The following ERC2 variants were observed in gnomAD, a reference collection of about 807,000 sequenced individuals.
ERC2 encodes ELKS/RAB6-interacting/CAST family member 2.
In ERC2, 42 loss-of-function variants were observed where a neutral mutation model predicts 114.8. The observed-to-expected ratio is 0.37, with a 90% CI of 0.29 to 0.47. The LOEUF (loss-of-function observed/expected upper bound fraction) is 0.47. ERC2 is among the 20% of genes least tolerant of loss of function. ERC2 has a pLI of 0.99. For missense variants in ERC2, 939 were observed against 1,150.7 expected (o/e 0.82, Z 2.66); for synonymous variants, 454 against 425.5 (o/e 1.07, Z -0.82).
chr3:55,663,031 A>G (rs1244235594), intron 17 of ERC2, among the ~76,000 whole-genome samples: 2 of 152,230 alleles, frequency 1.3e-5, no homozygotes, highest in Non-Finnish European at 2.9e-5. Context: ...TAAATTTGGG[A>G]AAAGTCTGGT....
chr3:56,430,904 A>G (rs1417621435), intron 2 of ERC2, among the ~76,000 whole-genome samples: 1 of 152,214 alleles, frequency 6.6e-6, no homozygotes, highest in Non-Finnish European at 1.5e-5. Context: ...ATCACAGCTC[A>G]GTGATCTTTT....
chr3:56,373,755 A>G (rs1399512136), intron 2 of ERC2, among the ~76,000 whole-genome samples: 1 of 152,306 alleles, frequency 6.6e-6, no homozygotes, highest in East Asian at 1.9e-4. Context: ...CTACTGTATG[A>G]ACTTTAATTA....
At chr3:56,171,482 T>C (rs1289701589) in intron 4 of ERC2, among the ~76,000 whole-genome samples, 2 of 152,192 alleles carry the variant, frequency 1.3e-5, no homozygotes, top group African/African-American at 2.4e-5. Flanking sequence ...AAAATTATAT[T>C]GCTCTTCATT....
chr3:55,654,408 C>G (rs1483639946), intron 17 of ERC2, among the ~76,000 whole-genome samples: 1 of 152,226 alleles, frequency 6.6e-6, no homozygotes, highest in Non-Finnish European at 1.5e-5. Flanking sequence ...TTTCTTGTTT[C>G]AGAGCTGAAG....
At chr3:55,878,303 T>C (rs2062960407) in intron 14 of ERC2, among the ~76,000 whole-genome samples, 1 of 152,178 alleles carries the variant, frequency 6.6e-6, no homozygotes. Flanking sequence ...ATACAGTGCA[T>C]GTTTTTGGCC....
chr3:55,992,135 A>G lies in ERC2; in HGVS notation c.2177T>C (p.Val726Ala). The G allele has an allele frequency of 1.2e-6, 2 of 1,613,934 alleles. No individual in the cohort carries two copies. Among genetic ancestry groups the G allele is most frequent in the Non-Finnish European group, 1.7e-6 (2 of 1,179,892 alleles). ...CTTGAGGATCTCCAGCAACCGGTCC[A>G]CTTCCGCTTGGGCCTTGCCACACTC... is the stretch of plus-strand genomic sequence containing the variant. ...RDECGKAQAE[V>A]DRLLEILKEV... The change falls in exon 11 of 18, where the codon GTG becomes GCG. Residue 726 changes from valine to alanine, a missense_variant. Around this residue, in one of 5 missense-constraint regions of ERC2, gnomAD observed 328 missense variants for 353.9 expected, o/e 0.93. Transcript: ENST00000288221.
intron 1 of ERC2, among the ~76,000 whole-genome samples, chr3:56,440,659 C>T (rs1169683543): frequency 2.6e-5 from 4 of 151,902 alleles, no homozygotes; most frequent in Non-Finnish European, 4.4e-5. Flanking sequence ...CAGTTCAAAA[C>T]TAGCCAGTAT....
intron 7 of ERC2, among the ~76,000 whole-genome samples, chr3:56,055,136 C>T (rs773260201): frequency 1.2e-4 from 18 of 152,280 alleles, no homozygotes; most frequent in Middle Eastern, 6.8e-3. Context: ...ACCTGGGCCC[C>T]GTTAATCAAC....
At chr3:55,739,145 T>A (rs953057263) in intron 14 of ERC2, among the ~76,000 whole-genome samples, 1 of 152,218 alleles carries the variant, frequency 6.6e-6, no homozygotes. Context: ...ACATTTTCTT[T>A]ATCCAGTCTA....
chr3:55,662,143 G>A (rs535097490), intron 17 of ERC2, among the ~76,000 whole-genome samples: 1 of 152,222 alleles, frequency 6.6e-6, no homozygotes, highest in African/African-American at 2.4e-5. Context: ...AGATTGGAAT[G>A]TATTTGCCAA....
intron 4 of ERC2, among the ~76,000 whole-genome samples, chr3:56,170,590 T>TTTTTTGG (rs1159506343): frequency 3.3e-5 from 1 of 30,264 alleles, no homozygotes; most frequent in Non-Finnish European, 1.0e-4. Context: ...CTTCTGTTTT[T>TTTTTTGG]TTTTTTTTTT....
intron 13 of ERC2, among the ~76,000 whole-genome samples, chr3:55,896,067 C>T (rs970893087): frequency 2.0e-5 from 3 of 152,136 alleles, no homozygotes; most frequent in Admixed American, 2.0e-4. Context: ...GGCTTTTGGT[C>T]CTGCTATGCA....
chr3:56,415,083 C>T (rs78794047), intron 2 of ERC2, among the ~76,000 whole-genome samples: 6,295 of 152,246 alleles, frequency 0.041, 224 homozygotes, highest in South Asian at 0.16. Flanking sequence ...AGTTTTCAAT[C>T]TTAACAACTA....
At chr3:55,864,150 T>G (rs1211333708) in intron 14 of ERC2, among the ~76,000 whole-genome samples, 1 of 123,100 alleles carries the variant, frequency 8.1e-6, no homozygotes. Context: ...CATATATATA[T>G]ATATACACAT....
chr3:55,679,550 G>A (rs913462864), intron 17 of ERC2, among the ~76,000 whole-genome samples: 10 of 152,162 alleles, frequency 6.6e-5, no homozygotes, highest in African/African-American at 1.7e-4. Context: ...AATCTTATTC[G>A]TCACTGGTTT....
intron 17 of ERC2, among the ~76,000 whole-genome samples, chr3:55,594,764 A>G (rs1159307897): frequency 6.6e-6 from 1 of 152,148 alleles, no homozygotes; most frequent in Admixed American, 6.5e-5. Context: ...GATTACAGGC[A>G]TGAGCCACTG....
intron 13 of ERC2, among the ~76,000 whole-genome samples, chr3:55,937,240 T>G (rs2066501880): frequency 6.6e-6 from 1 of 152,110 alleles, no homozygotes; most frequent in South Asian, 2.1e-4. Flanking sequence ...TCCCAGCTAC[T>G]TGGAAGTCTG....
intron 2 of ERC2, among the ~76,000 whole-genome samples, chr3:56,343,862 T>A (rs1576515205): frequency 6.6e-6 from 1 of 152,204 alleles, no homozygotes; most frequent in African/African-American, 2.4e-5. Context: ...GTCTTGCCCT[T>A]GTTACCTTCA....
intron 6 of ERC2, among the ~76,000 whole-genome samples, chr3:56,096,180 A>G (rs2078052651): frequency 6.6e-6 from 1 of 152,232 alleles, no homozygotes; most frequent in Non-Finnish European, 1.5e-5. Context: ...GACATAATTT[A>G]TGATTACCAT....
Sources: gnomAD v4.1 joint callset for allele counts (sites outside exome capture counted in the v4.1 genomes callset) on GRCh38, gnomAD v4.1.1 for gene constraint, gnomAD v4.1.1 regional missense constraint, MANE v1.5 for transcripts, NCBI Gene and HGNC (gene_info 2026-07-23, HGNC 2026-07-21) for gene names.